Variants in ITPR2 observed in about 807,000 individuals in gnomAD.
ITPR2 encodes the protein inositol 1,4,5-trisphosphate receptor type 2.
In ITPR2, 207 loss-of-function variants were observed where a neutral mutation model predicts 317.1. That is an observed-to-expected ratio of 0.65 (90% CI 0.58 to 0.73). The LOEUF (loss-of-function observed/expected upper bound fraction) is 0.73. Among genes scored for constraint, ITPR2 ranks in the 30% least tolerant of loss-of-function variants. ITPR2 has a pLI of 0.00. For synonymous variants in ITPR2, 1,156 were observed against 1,149.1 expected, an observed-to-expected ratio of 1.01 and a Z score of -0.12; for missense variants, 2,613 against 3,284.0, an observed-to-expected ratio of 0.80 and a Z score of 4.99.
At chr12:26,499,378 T>C (rs115730105) in intron 37 of ITPR2, among the ~76,000 whole-genome samples, 1,563 of 152,294 alleles carry the variant, frequency 0.01, 31 homozygotes, top group African/African-American at 0.036. Flanking sequence ...CTTCCTATTT[T>C]TCTGTTGTCA....
At chr12:26,697,113 G>A (rs1379541790) in intron 9 of ITPR2, among the ~76,000 whole-genome samples, 3 of 152,226 alleles carry the variant, frequency 2.0e-5, no homozygotes, top group African/African-American at 7.2e-5. Flanking sequence ...AGAGTCCATA[G>A]AATCCATAGA....
chr12:26,782,493 C>T (rs1950115312), intron 2 of ITPR2, among the ~76,000 whole-genome samples: 1 of 151,998 alleles, frequency 6.6e-6, no homozygotes, highest in South Asian at 2.1e-4. Context: ...GGATTAGATT[C>T]AATCAATGTG....
intron 2 of ITPR2, among the ~76,000 whole-genome samples, chr12:26,756,094 T>A (rs1358987247): frequency 6.6e-6 from 1 of 152,194 alleles, no homozygotes; most frequent in East Asian, 1.9e-4. Context: ...GCTGCACTTA[T>A]ACAAATAAAC....
At chr12:26,467,331 G>A (rs1349453879) in intron 45 of ITPR2, among the ~76,000 whole-genome samples, 1 of 151,992 alleles carries the variant, frequency 6.6e-6, no homozygotes, top group Non-Finnish European at 1.5e-5. Context: ...AAAATGCCAT[G>A]GCTGTTCCTG....
chr12:26,556,772 TAA>T (rs762624049), intron 35 of ITPR2, among the ~76,000 whole-genome samples: 8,462 of 94,550 alleles, frequency 0.089, 370 homozygotes, highest in Middle Eastern at 0.15. Context: ...GGGAACAGCT[TAA>T]AAAAAAAAAA....
chr12:26,627,222 G>A (rs551219387), intron 23 of ITPR2: 2 of 152,298 alleles, frequency 1.3e-5, no homozygotes, highest in South Asian at 4.2e-4. Flanking sequence ...TCTTTATTCT[G>A]GATCAGGCAA....
intron 54 of ITPR2, among the ~76,000 whole-genome samples, chr12:26,388,800 T>A (rs1939745010): frequency 6.6e-6 from 1 of 152,240 alleles, no homozygotes; most frequent in Non-Finnish European, 1.5e-5. Context: ...AAGATTCTGC[T>A]GGCTGATGGC....
intron 1 of ITPR2, among the ~76,000 whole-genome samples, chr12:26,806,544 C>A (rs1309527288): frequency 6.6e-6 from 1 of 152,186 alleles, no homozygotes; most frequent in African/African-American, 2.4e-5. Flanking sequence ...CTAGTTGAAT[C>A]CCTTCACTAC....
chr12:26,830,569 A>G lies in ITPR2; in HGVS notation c.92+2121T>C, dbSNP rs564864783. On this transcript the variant is annotated intron_variant, in intron 1 of 56. Transcript: ENST00000381340. ...AGTCACTTCATTTCTCTTAACCTCA[A>G]TTCCTAATCTCTAAAATGATCAGGG... is the stretch of plus-strand genomic sequence containing the variant. Among the ~76,000 whole-genome samples, 147 of 152,302 alleles carry G rather than the reference A, an allele frequency of 9.7e-4. 1 individual carries two copies. The highest frequency in any genetic ancestry group is 3.2e-3 in the African/African-American group (131 of 41,560).
At chr12:26,623,426 T>G (rs1946546398) in intron 24 of ITPR2, 1 of 152,210 alleles carries the variant, frequency 6.6e-6, no homozygotes, top group Non-Finnish European at 1.5e-5. Flanking sequence ...TACTTAATAA[T>G]GGCCCCAAAG....
intron 1 of ITPR2, among the ~76,000 whole-genome samples, chr12:26,790,617 A>T (rs1209274980): frequency 6.6e-6 from 1 of 150,754 alleles, no homozygotes; most frequent in East Asian, 2.0e-4. Flanking sequence ...ACACACACAC[A>T]CTTCTACACA....
intron 26 of ITPR2, among the ~76,000 whole-genome samples, chr12:26,611,424 G>A (rs1262663255): frequency 1.3e-5 from 2 of 152,136 alleles, no homozygotes; most frequent in Admixed American, 1.3e-4. Flanking sequence ...TAAATAACCT[G>A]AAAATGAACT....
At chr12:26,484,725 TTCTCGAGACAG>T (rs1942625265) in intron 41 of ITPR2, among the ~76,000 whole-genome samples, 1 of 152,194 alleles carries the variant, frequency 6.6e-6, no homozygotes, top group Admixed American at 6.5e-5. Context: ...GATTTTTTTT[TTCTCGAGACAG>T]AGTCTCACTC....
chr12:26,665,176 G>C (rs2136923557), intron 14 of ITPR2, among the ~76,000 whole-genome samples: 1 of 152,318 alleles, frequency 6.6e-6, no homozygotes, highest in South Asian at 2.1e-4. Context: ...AAGAAAACTA[G>C]AATATTGTAC....
At chr12:26,753,097 C>T (rs1025264661) in intron 2 of ITPR2, among the ~76,000 whole-genome samples, 1 of 151,972 alleles carries the variant, frequency 6.6e-6, no homozygotes, top group Admixed American at 6.6e-5. Context: ...GGGTTAGAGG[C>T]CCAACTTAGG....
chr12:26,811,272 T>A (rs1273413225), intron 1 of ITPR2, among the ~76,000 whole-genome samples: 2 of 152,310 alleles, frequency 1.3e-5, no homozygotes, highest in East Asian at 3.9e-4. Flanking sequence ...AACATTTTCT[T>A]CCTATTTGCA....
intron 1 of ITPR2, among the ~76,000 whole-genome samples, chr12:26,799,939 A>T (rs10743594): frequency 0.79 from 119,850 of 152,102 alleles, 47,417 homozygotes; most frequent in East Asian, 0.95. Flanking sequence ...TTGGTGCTAG[A>T]AAAAGTGACT....
chr12:26,614,203 G>A (rs934173670), intron 26 of ITPR2, among the ~76,000 whole-genome samples: 9 of 152,116 alleles, frequency 5.9e-5, no homozygotes. Flanking sequence ...TCTTCTAAGG[G>A]AAAAATGTAA....
At chr12:26,554,570 A>G (rs1944614317) in intron 36 of ITPR2, among the ~76,000 whole-genome samples, 1 of 152,242 alleles carries the variant, frequency 6.6e-6, no homozygotes, top group African/African-American at 2.4e-5. Flanking sequence ...CTTTATTTAC[A>G]GAAATGAGTA....
Sources: allele counts gnomAD v4.1 joint callset (sites outside exome capture counted in the v4.1 genomes callset), GRCh38; gene constraint gnomAD v4.1.1; transcripts MANE v1.5; gene names NCBI Gene and HGNC (gene_info 2026-07-23, HGNC 2026-07-21).